Variants in CELSR3 observed in about 807,000 individuals in gnomAD.
CELSR3 encodes the protein EGF-like protein 1.
A neutral mutation model predicts 270.0 loss-of-function variants in CELSR3; 73 were observed. The observed-to-expected ratio is 0.27, with a 90% CI of 0.22 to 0.33. The LOEUF (loss-of-function observed/expected upper bound fraction) is 0.33, where lower values mean the gene tolerates loss of function less well. Ranked by LOEUF, CELSR3 falls within the 10% of genes least tolerant of loss-of-function variation. The pLI, the probability that CELSR3 is intolerant of heterozygous loss-of-function variation, is 1.00. For missense variants in CELSR3, 3,614 were observed against 4,533.8 expected, an observed-to-expected ratio of 0.80 and a Z score of 5.83; for synonymous variants, 1,780 against 1,905.4, an observed-to-expected ratio of 0.93 and a Z score of 1.71.
Position 48,646,649 on chromosome 3 carries a change from T to C in CELSR3, c.7295+114A>G. ...ACACAGAACCCGGCAAGGATGGGGC[T>C]CCCTGGAGCTGTGCTCCTCTCTGTG... On this transcript the variant is annotated intron_variant, in intron 21 of 34. Transcript: ENST00000164024. This position sits in a 1 kb window ranked among gnomAD's most constrained non-coding sequence, Gnocchi z 4.8. 9.2e-7 allele frequency: 1 copy of C among 1,088,282 alleles called. No homozygotes were observed. Among genetic ancestry groups the C allele is most frequent in the East Asian group, 2.5e-5 (1 of 39,708 alleles). 67.4% of individuals were successfully genotyped at this position (1,088,282 alleles called of 1,614,324 possible). A position where few individuals can be genotyped will look rare whatever the true frequency, so the allele number is the denominator to read the frequency against.
rs1445330872 is a variant in CELSR3 at position 48,657,502 on chromosome 3, G to A, written c.3749-154C>T. On this transcript the variant is annotated intron_variant, in intron 1 of 34. Transcript: ENST00000164024. The surrounding 1 kb of genome is among the most constrained non-coding windows in gnomAD (Gnocchi z 5.4). ...GGACACAAGGGAGTCTGGGGCTAGTGACCACCAGCTCCCCCAGCATCAAGG... is the reference window on the plus strand; with the variant it reads ...GGACACAAGGGAGTCTGGGGCTAGTAACCACCAGCTCCCCCAGCATCAAGG... Among the ~76,000 whole-genome samples the A allele has an allele frequency of 6.6e-6, 1 of 152,110 alleles. No individual in the cohort carries two copies. Among genetic ancestry groups the A allele is most frequent in the Non-Finnish European group, 1.5e-5 (1 of 68,010 alleles).
rs1380379757 is a variant in CELSR3 at position 48,655,207 on chromosome 3, G to C, written c.4831-6C>G. ...CCTAGGGCATCTGTCCGGGGCTGAA[G>C]ACGCAGGCACACCAGTCAACAGTGC... On this transcript the variant is annotated splice_polypyrimidine_tract_variant and splice_region_variant and intron_variant, in intron 5 of 34. Transcript: ENST00000164024. The surrounding 1 kb of genome is among the most constrained non-coding windows in gnomAD (Gnocchi z 5.8). The C allele has an allele frequency of 6.2e-7, 1 of 1,614,030 alleles. No individual in the cohort carries two copies. Among genetic ancestry groups the C allele is most frequent in the South Asian group, 1.1e-5 (1 of 91,086 alleles).
In CELSR3 at chr3:48,641,634, G is replaced by A. The variant is rs930907389; in HGVS notation, c.8825-110C>T. On this transcript the variant is annotated intron_variant, in intron 32 of 34. Transcript: ENST00000164024. The surrounding 1 kb of genome is among the most constrained non-coding windows in gnomAD (Gnocchi z 4.8). ...GGCTGTTCTCATTGAGCAGAGGTGG[G>A]AACAGGAGGGTATCTCCTCAGAGAT... 1.1e-6 allele frequency: 1 copy of A among 887,020 alleles called. No homozygotes were observed. Among genetic ancestry groups the A allele is most frequent in the Non-Finnish European group, 1.7e-6 (1 of 575,502 alleles). 54.9% of individuals were successfully genotyped at this position (887,020 alleles called of 1,614,324 possible). A position where few individuals can be genotyped will look rare whatever the true frequency, so the allele number is the denominator to read the frequency against.
intron 19 of CELSR3, 35 bp downstream of exon 19, chr3:48,648,231 C>T (rs1186751116): frequency 1.9e-6 from 3 of 1,566,650 alleles, no homozygotes; most frequent in Non-Finnish European, 2.6e-6. Context: ...CATGGCCCCC[C>T]TGCTGTGCCC....
In CELSR3 at chr3:48,638,244, TGAGGAAATCA is replaced by T. The variant is rs770883352; in HGVS notation, c.9912-22_9912-13del. The T allele has an allele frequency of 1.1e-5, 18 of 1,611,120 alleles. No homozygotes were observed. The highest frequency in any genetic ancestry group is 1.4e-5 in the Non-Finnish European group (17 of 1,177,736). ...CACTTCTGGGAACTCTGGAGGCACA[TGAGGAAATCA>T]GAGGTTGATGCCCAGAGGACTCCGA... On this transcript the variant is annotated splice_polypyrimidine_tract_variant and intron_variant, in intron 34 of 34. Coordinates refer to ENST00000164024, the MANE Select transcript of CELSR3 (RefSeq NM_001407.3).
rs561275664 is a variant in CELSR3 at position 48,639,308 on chromosome 3, C to T, written c.9911+366G>A. Among the ~76,000 whole-genome samples, 2 of 152,312 alleles carry T rather than the reference C, an allele frequency of 1.3e-5. No individual in the cohort carries two copies. Among genetic ancestry groups the T allele is most frequent in the African/African-American group, 2.4e-5 (1 of 41,558 alleles). On this transcript the variant is annotated intron_variant, in intron 34 of 34. Coordinates refer to ENST00000164024, the MANE Select transcript of CELSR3 (RefSeq NM_001407.3). The surrounding 1 kb of genome is among the most constrained non-coding windows in gnomAD (Gnocchi z 4.1). Reference sequence around the variant, plus strand: ...GACCCCCTAGGCGAACCTTCCCAAGCAAGGCCTCCTGCTCTCCTCCCTGCC... The same window carrying T: ...GACCCCCTAGGCGAACCTTCCCAAGTAAGGCCTCCTGCTCTCCTCCCTGCC...
In CELSR3 at chr3:48,662,125, G is replaced by A; in HGVS notation, c.510C>T (p.Pro170=). The change falls in exon 1 of 35, where the codon CCC becomes CCT. Residue 170 remains proline, a synonymous_variant. Coordinates refer to ENST00000164024, the MANE Select transcript of CELSR3 (RefSeq NM_001407.3). This position sits in a 1 kb window ranked among gnomAD's most constrained non-coding sequence, Gnocchi z 7.1. The stretch of plus-strand genomic sequence containing the variant: ...GCCGAATCAAAAAGTCTGAAGGGAG[G>A]GGCGAGCTGTTCCCCGAGCCCGGGA... ...SGVPGSGNSS[P]LPSDFLIRHH... 1 of 1,613,466 alleles carries A rather than the reference G, an allele frequency of 6.2e-7. No individual in the cohort carries two copies. The highest frequency in any genetic ancestry group is 1.3e-5 in the African/African-American group (1 of 75,042).
chr3:48,643,386 C>A (rs2047048001), intron 28 of CELSR3, 168 bp downstream of exon 28: 1 of 961,314 alleles, frequency 1.0e-6, no homozygotes, highest in East Asian at 2.7e-5. Context: ...CAGCTCCAGG[C>A]CTGGGGGCAG....
Position 48,638,128 on chromosome 3 carries a change from C to T in CELSR3, c.*77G>A, listed in dbSNP as rs925896236. On this transcript the variant is annotated 3_prime_UTR_variant, in exon 35 of 35. Transcript: ENST00000164024. ...AGCAGGAGGCTGCCTTGGGATCTGC[C>T]CCCACTCCTGGAGTCTCTCCTGTTA... 39 of 1,338,716 alleles carry T rather than the reference C, an allele frequency of 2.9e-5. No individual in the cohort carries two copies. Among genetic ancestry groups the T allele is most frequent in the Non-Finnish European group, 4.2e-5 (39 of 931,230 alleles). The allele number at this position is 1,338,716 out of a possible 1,614,324, so 82.9% of individuals were successfully genotyped here.
In CELSR3 at chr3:48,651,545, G is replaced by C; in HGVS notation, c.6065+32C>G. On this transcript the variant is annotated intron_variant, in intron 13 of 34. Transcript: ENST00000164024. This position sits in a 1 kb window ranked among gnomAD's most constrained non-coding sequence, Gnocchi z 7.4. Reference sequence around the variant, plus strand: ...CAGTGACCCTCCCTGTCCCTGCCAGGTCTCCCCATCGCCTCAGCCCCAGCC... The same window carrying C: ...CAGTGACCCTCCCTGTCCCTGCCAGCTCTCCCCATCGCCTCAGCCCCAGCC... 3 of 1,597,160 alleles carry C rather than the reference G, an allele frequency of 1.9e-6. No individual in the cohort carries two copies. The highest frequency in any genetic ancestry group is 2.6e-6 in the Non-Finnish European group (3 of 1,169,222).
At position 48,653,667 on chromosome 3, in the gene CELSR3, C is replaced by A. The variant is rs1490089698; in HGVS notation, c.5400G>T (p.Gly1800=). 4 of 1,614,044 alleles carry A rather than the reference C, an allele frequency of 2.5e-6. No homozygotes were observed. In the African/African-American group the frequency reaches 4.0e-5, roughly 16 times the overall value. Residue 1800 remains glycine, a synonymous_variant, in exon 9 of 35, where the codon GGG becomes GGT. Coordinates refer to ENST00000164024, the MANE Select transcript of CELSR3 (RefSeq NM_001407.3). The surrounding 1 kb of genome is among the most constrained non-coding windows in gnomAD (Gnocchi z 6.5). ...GLAFRTRATQ[G]VLMQVQAGPH... is the part of the protein sequence containing the mutation. ...GCCCAGCCTGCACTTGCATCAGGAC[C>A]CCCTGCGTTGCCCGTGTCCGAAATG...
Position 48,642,079 on chromosome 3 carries a change from G to T in CELSR3, c.8666-70C>A. ...GGAGATAAGGGAATTTGGAGTTGAG[G>T]GTCTAGAGGTGGGTACGGCAAGGGG... On this transcript the variant is annotated intron_variant, in intron 31 of 34. Coordinates refer to ENST00000164024, the MANE Select transcript of CELSR3 (RefSeq NM_001407.3). This position sits in a 1 kb window ranked among gnomAD's most constrained non-coding sequence, Gnocchi z 6.1. The T allele has an allele frequency of 7.0e-7, 1 of 1,433,366 alleles. No individual in the cohort carries two copies. The highest frequency in any genetic ancestry group is 1.4e-5 in the South Asian group (1 of 69,252). 88.8% of individuals were successfully genotyped at this position (1,433,366 alleles called of 1,614,324 possible). A position where few individuals can be genotyped will look rare whatever the true frequency, so the allele number is the denominator to read the frequency against.
Position 48,646,913 on chromosome 3 carries a change from C to T in CELSR3, c.7145G>A (p.Ser2382Asn). ...PSPSEVLPTS[S>N]SIENSTTSSV... The stretch of plus-strand genomic sequence containing the variant: ...TGAGGTGGTGGAGTTTTCTATGCTG[C>T]TGCTTGTGGGCAGAACTGCCAGGAG... The change falls in exon 21 of 35, where the codon AGC (serine) becomes AAC (asparagine). Residue 2382 changes from serine to asparagine, a missense_variant. By Grantham distance (46) the Ser-to-Asn change is conservative. Transcript: ENST00000164024. The surrounding 1 kb of genome is among the most constrained non-coding windows in gnomAD (Gnocchi z 4.8). 1 of 1,549,764 alleles carries T rather than the reference C, an allele frequency of 6.5e-7. No individual in the cohort carries two copies. The highest frequency in any genetic ancestry group is 8.7e-7 in the Non-Finnish European group (1 of 1,153,532).
chr3:48,649,425 C>T (rs114857596), intron 16 of CELSR3, among the ~76,000 whole-genome samples: 46 of 152,360 alleles, frequency 3.0e-4, no homozygotes, highest in African/African-American at 9.6e-4. Flanking sequence ...AGACCATTCT[C>T]AACCAGCAAC....
intron 19 of CELSR3, 52 bp downstream of exon 19, chr3:48,648,214 G>A (rs1044354436): frequency 8.9e-6 from 14 of 1,573,352 alleles, no homozygotes; most frequent in Non-Finnish European, 1.2e-5. Flanking sequence ...TCAGGTACCT[G>A]CCCTTTCATG....
At position 48,655,615 on chromosome 3, in the gene CELSR3, T is replaced by C. The variant is rs2047173639; in HGVS notation, c.4741+121A>G. Reference sequence around the variant, plus strand: ...AGGGAATGGCCAAGGAGCTAGGTCTTCAGGGCTTGCATGGCGTGGAGTGTG... The same window carrying C: ...AGGGAATGGCCAAGGAGCTAGGTCTCCAGGGCTTGCATGGCGTGGAGTGTG... On this transcript the variant is annotated intron_variant, in intron 4 of 34. Transcript: ENST00000164024. The surrounding 1 kb of genome is among the most constrained non-coding windows in gnomAD (Gnocchi z 5.8). 1 of 963,414 alleles carries C rather than the reference T, an allele frequency of 1.0e-6. No individual in the cohort carries two copies. Among genetic ancestry groups the C allele is most frequent in the Non-Finnish European group, 1.7e-6 (1 of 605,890 alleles). 59.7% of individuals were successfully genotyped at this position (963,414 alleles called of 1,614,324 possible).
chr3:48,656,512 C>T, intron 2 of CELSR3, 147 bp from the exon 3 acceptor site: 2 of 1,136,886 alleles, frequency 1.8e-6, no homozygotes, highest in Non-Finnish European at 2.4e-6. Flanking sequence ...TCTGGCCCCG[C>T]CCCCTCCCCA....
In CELSR3 at chr3:48,648,919, G is replaced by C. The variant is rs761468589; in HGVS notation, c.6577C>G (p.Leu2193Val). 1.2e-6 allele frequency: 2 copies of C among 1,612,756 alleles called. No individual in the cohort carries two copies. Among genetic ancestry groups the C allele is most frequent in the Non-Finnish European group, 1.7e-6 (2 of 1,179,966 alleles). Residue 2193 changes from leucine (L) to valine (V), a missense_variant, in exon 18 of 35, where the codon CTA (leucine) becomes GTA (valine). Leu to Val is a conservative substitution (Grantham distance 32). Transcript: ENST00000164024. ...FRELSLLLDG[L>V]ELNKTALDTM... ...TCCAGTGCCGTCTTGTTCAGCTCTA[G>C]GCCATCCAGCTGCCAAGACAAGGAG...
Position 48,639,729 on chromosome 3 carries a change from A to T in CELSR3, c.9856T>A (p.Ser3286Thr), listed in dbSNP as rs752429764. 5.6e-6 allele frequency: 9 copies of T among 1,612,954 alleles called. No individual in the cohort carries two copies. The Admixed American group carries it at 1.3e-4, about 24-fold the overall frequency. The change falls in exon 34 of 35, where the codon TCC becomes ACC. Residue 3286 changes from serine (S) to threonine (T), a missense_variant. This residue lies in a region of CELSR3 where 1,240 missense variants were observed against 1,351.7 expected (regional missense o/e 0.92). Transcript: ENST00000164024. The surrounding 1 kb of genome is among the most constrained non-coding windows in gnomAD (Gnocchi z 4.1). ...PSATASVLGP[S>T]TPRSATSHSI... ...TGAGACGTGGCAGAACGTGGCGTGG[A>T]GGGCCCAAGCACAGAGGCTGTGGCA...
Sources: gnomAD v4.1 joint callset for allele counts (sites outside exome capture counted in the v4.1 genomes callset) on GRCh38, gnomAD v4.1.1 for gene constraint, gnomAD v4.1.1 regional missense constraint, Gnocchi (gnomAD v3.1) non-coding constraint, MANE v1.5 for transcripts, NCBI Gene and HGNC (gene_info 2026-07-23, HGNC 2026-07-21) for gene names.